C8orf34: variants seen among roughly 807,000 people sequenced by gnomAD.
C8orf34 encodes the protein chromosome 8 open reading frame 34, also known as uncharacterized protein C8orf34.
A neutral mutation model predicts 68.3 loss-of-function variants in C8orf34; 65 were observed. That is an observed-to-expected ratio of 0.95 (90% CI 0.78 to 1.17). The LOEUF is 1.17. C8orf34 is among the 50% of genes most tolerant of loss of function. The probability of loss-of-function intolerance (pLI) is 0.00; values close to 1 mark genes in which losing one functional copy is unlikely to be tolerated. For synonymous variants in C8orf34, 244 were observed against 241.2 expected, an observed-to-expected ratio of 1.01 and a Z score of -0.11; for missense variants, 664 against 655.4, an observed-to-expected ratio of 1.01 and a Z score of -0.14.
intron 1 of C8orf34, among the ~76,000 whole-genome samples, chr8:68,418,506 G>T (rs532052134): frequency 1.2e-3 from 185 of 152,096 alleles, no homozygotes; most frequent in African/African-American, 3.9e-3. Flanking sequence ...TAGCATGAAG[G>T]GTTGTTGAAT....
At chr8:68,729,480 A>G (rs1022478238) in intron 10 of C8orf34, among the ~76,000 whole-genome samples, 8 of 152,130 alleles carry the variant, frequency 5.3e-5, no homozygotes, top group Non-Finnish European at 8.8e-5. Context: ...CATACATACT[A>G]CTTTCAGGCC....
At chr8:68,422,348 T>A (rs1231178126) in intron 1 of C8orf34, among the ~76,000 whole-genome samples, 1 of 152,194 alleles carries the variant, frequency 6.6e-6, no homozygotes, top group Non-Finnish European at 1.5e-5. Flanking sequence ...CCATTCCAAA[T>A]GGGAGAAATT....
chr8:68,581,084 G>C (rs145365846), intron 7 of C8orf34, among the ~76,000 whole-genome samples: 3 of 152,120 alleles, frequency 2.0e-5, no homozygotes, highest in Admixed American at 2.0e-4. Context: ...ATTAACAAGA[G>C]AAATGCATAT....
chr8:68,557,383 A>C (rs1563528670), intron 7 of C8orf34, among the ~76,000 whole-genome samples: 1 of 152,348 alleles, frequency 6.6e-6, no homozygotes, highest in East Asian at 1.9e-4. Context: ...AAAGCTTAAC[A>C]AAACTGTTTG....
At chr8:68,537,600 A>T (rs1815532783) in intron 7 of C8orf34, among the ~76,000 whole-genome samples, 1 of 152,008 alleles carries the variant, frequency 6.6e-6, no homozygotes, top group Non-Finnish European at 1.5e-5. Flanking sequence ...CACATAAATT[A>T]TAAAGTAATT....
chr8:68,440,515 T>G (rs1466081083), intron 2 of C8orf34, among the ~76,000 whole-genome samples: 1 of 152,190 alleles, frequency 6.6e-6, no homozygotes, highest in African/African-American at 2.4e-5. Flanking sequence ...TAGACATCTA[T>G]GATGTCATTT....
chr8:68,745,640 G>A (rs1822464497), intron 10 of C8orf34, among the ~76,000 whole-genome samples: 1 of 152,008 alleles, frequency 6.6e-6, no homozygotes, highest in Non-Finnish European at 1.5e-5. Context: ...GACAAAGAAG[G>A]CCATTACATA....
intron 7 of C8orf34, among the ~76,000 whole-genome samples, chr8:68,603,215 T>C (rs969997469): frequency 6.6e-6 from 1 of 152,062 alleles, no homozygotes; most frequent in South Asian, 2.1e-4. Context: ...GGACCAAAAC[T>C]CTCATTGCTG....
chr8:68,757,230 C>G (rs564064600), intron 10 of C8orf34, among the ~76,000 whole-genome samples: 1 of 152,130 alleles, frequency 6.6e-6, no homozygotes, highest in South Asian at 2.1e-4. Flanking sequence ...AACAAGAGAG[C>G]TCTGCAGGTC....
At chr8:68,666,996 A>G (rs1819862702) in intron 8 of C8orf34, among the ~76,000 whole-genome samples, 1 of 152,168 alleles carries the variant, frequency 6.6e-6, no homozygotes, top group Non-Finnish European at 1.5e-5. Flanking sequence ...TTGCTTTTAC[A>G]TGCAGAACAA....
At chr8:68,505,738 C>CAAAAAAAAAAAAAA (rs778441254) in intron 5 of C8orf34, among the ~76,000 whole-genome samples, 1 of 68,352 alleles carries the variant, frequency 1.5e-5, no homozygotes, top group African/African-American at 4.5e-5. Flanking sequence ...ACTCCGTCTC[C>CAAAAAAAAAAAAAA]AAAAAAAAAA....
chr8:68,736,408 T>C (rs1333625407), intron 10 of C8orf34, among the ~76,000 whole-genome samples: 3 of 152,134 alleles, frequency 2.0e-5, no homozygotes, highest in African/African-American at 4.8e-5. Flanking sequence ...CCCAATCATA[T>C]AGAACTAGAA....
intron 5 of C8orf34, among the ~76,000 whole-genome samples, chr8:68,504,658 T>C (rs1813924785): frequency 6.6e-6 from 1 of 151,804 alleles, no homozygotes; most frequent in Non-Finnish European, 1.5e-5. Context: ...TAGCTGGCAT[T>C]ACATGCATGT....
intron 12 of C8orf34, among the ~76,000 whole-genome samples, chr8:68,787,990 G>A (rs1823891474): frequency 6.6e-6 from 1 of 152,140 alleles, no homozygotes; most frequent in African/African-American, 2.4e-5. Flanking sequence ...TAAGATAACT[G>A]AAAACAAGTA....
intron 10 of C8orf34, among the ~76,000 whole-genome samples, chr8:68,752,337 T>A (rs148738175): frequency 1.3e-5 from 2 of 152,348 alleles, no homozygotes; most frequent in East Asian, 1.9e-4. Context: ...GCATGACTTA[T>A]ACTTGTAAGT....
intron 4 of C8orf34, among the ~76,000 whole-genome samples, chr8:68,483,920 T>C (rs184510960): frequency 1.8e-3 from 271 of 152,344 alleles, no homozygotes; most frequent in Admixed American, 5.6e-3. Context: ...CTCCTACAGC[T>C]AGACATTATT....
intron 9 of C8orf34, among the ~76,000 whole-genome samples, chr8:68,713,681 ATAAGT>A (rs1385883452): frequency 6.6e-6 from 1 of 152,178 alleles, no homozygotes; most frequent in Non-Finnish European, 1.5e-5. Context: ...GCCAATAAAA[ATAAGT>A]TAGGGGCCAG....
At chr8:68,526,793 G>A (rs182989665) in intron 6 of C8orf34, among the ~76,000 whole-genome samples, 105 of 151,924 alleles carry the variant, frequency 6.9e-4, no homozygotes, top group African/African-American at 2.1e-3. Context: ...CAAAAAGAAC[G>A]CATGGAATCA....
rs902069741 is a variant in C8orf34 at position 68,788,764 on chromosome 8, CAGG to C, written c.1549+1231_1549+1233del. Among the ~76,000 whole-genome samples, 37 of 152,040 alleles carry C rather than the reference CAGG, an allele frequency of 2.4e-4. 1 individual carries two copies. Among genetic ancestry groups the C allele is most frequent in the Admixed American group, 2.3e-3 (35 of 15,266 alleles). On this transcript the variant is annotated intron_variant, in intron 12 of 13. Coordinates refer to ENST00000518698, the MANE Select transcript of C8orf34 (RefSeq NM_052958.4). ...GTCCCAGCTCCTTGGGAGGCTGAGG[CAGG>C]AGAATTGCTTGAAACTGGGAGGCGG...
Sources: gnomAD v4.1 joint callset for allele counts (sites outside exome capture counted in the v4.1 genomes callset) on GRCh38, gnomAD v4.1.1 for gene constraint, MANE v1.5 for transcripts, NCBI Gene and HGNC (gene_info 2026-07-23, HGNC 2026-07-21) for gene names.